The following MAGI2 variants were observed in gnomAD, a reference collection of about 807,000 sequenced individuals.
The protein encoded by MAGI2 is membrane-associated guanylate kinase, WW and PDZ domain-containing protein 2.
In MAGI2, 35 loss-of-function variants were observed where a neutral mutation model predicts 133.3. That is an observed-to-expected ratio of 0.26 (90% CI 0.20 to 0.35). The LOEUF is 0.35. MAGI2 is among the 10% of genes least tolerant of loss of function. MAGI2 has a pLI of 1.00. For missense variants in MAGI2, 1,636 were observed against 1,863.4 expected (o/e 0.88, Z 2.25); for synonymous variants, 729 against 710.6 (o/e 1.03, Z -0.41).
intron 1 of MAGI2, among the ~76,000 whole-genome samples, chr7:79,195,415 T>C (rs1345231859): frequency 6.6e-6 from 1 of 151,738 alleles, no homozygotes; most frequent in Non-Finnish European, 1.5e-5. Context: ...CCAGAAAAAA[T>C]AGAAAAAAGA....
chr7:79,112,942 T>G (rs1819049322), intron 1 of MAGI2, among the ~76,000 whole-genome samples: 1 of 152,214 alleles, frequency 6.6e-6, no homozygotes, highest in Non-Finnish European at 1.5e-5. Flanking sequence ...AACTAATATT[T>G]ATTTAGTACA....
intron 2 of MAGI2, among the ~76,000 whole-genome samples, chr7:78,766,731 T>C (rs16886321): frequency 0.094 from 14,278 of 152,242 alleles, 868 homozygotes; most frequent in East Asian, 0.23. Context: ...CTTATTGAAT[T>C]TGATGTATTC....
intron 1 of MAGI2, among the ~76,000 whole-genome samples, chr7:79,062,713 C>G (rs937682114): frequency 9.2e-5 from 14 of 152,030 alleles, no homozygotes; most frequent in Non-Finnish European, 2.1e-4. Flanking sequence ...CCATGCACCT[C>G]CATGCCAGCG....
chr7:78,172,116 A>G (rs1412362477), intron 14 of MAGI2, among the ~76,000 whole-genome samples: 1 of 152,218 alleles, frequency 6.6e-6, no homozygotes, highest in African/African-American at 2.4e-5. Flanking sequence ...ACAGCAATTC[A>G]CATTCAAGTG....
At chr7:78,190,301 G>T (rs1276892675) in intron 12 of MAGI2, among the ~76,000 whole-genome samples, 1 of 152,094 alleles carries the variant, frequency 6.6e-6, no homozygotes, top group African/African-American at 2.4e-5. Flanking sequence ...GATAAAATAT[G>T]TATAGGCAAA....
chr7:78,619,700 A>G (rs1278558585), intron 3 of MAGI2, among the ~76,000 whole-genome samples: 1 of 151,940 alleles, frequency 6.6e-6, no homozygotes, highest in Non-Finnish European at 1.5e-5. Flanking sequence ...TTCCATTCTT[A>G]GTGCCTTACA....
At chr7:78,112,556 G>A (rs975219606) in intron 20 of MAGI2, among the ~76,000 whole-genome samples, 11 of 152,244 alleles carry the variant, frequency 7.2e-5, no homozygotes, top group Non-Finnish European at 1.0e-4. Flanking sequence ...AGTTACCTGC[G>A]CAATCCCATG....
chr7:79,289,275 C>T (rs906301565), intron 1 of MAGI2, among the ~76,000 whole-genome samples: 1 of 152,110 alleles, frequency 6.6e-6, no homozygotes, highest in African/African-American at 2.4e-5. Flanking sequence ...CTCATGCTCT[C>T]ATAACTACCA....
chr7:78,675,593 G>A (rs535392299), intron 2 of MAGI2, among the ~76,000 whole-genome samples: 7 of 152,090 alleles, frequency 4.6e-5, no homozygotes, highest in South Asian at 4.2e-4. Flanking sequence ...GCTTTGCTCC[G>A]GATTCTATTT....
intron 2 of MAGI2, among the ~76,000 whole-genome samples, chr7:78,890,052 A>C (rs1234290451): frequency 1.3e-5 from 2 of 152,218 alleles, no homozygotes; most frequent in Non-Finnish European, 2.9e-5. Context: ...AGCAAATGAA[A>C]ACAAAAAAGG....
chr7:79,140,123 C>A (rs747750395), intron 1 of MAGI2, among the ~76,000 whole-genome samples: 27 of 152,150 alleles, frequency 1.8e-4, no homozygotes, highest in Middle Eastern at 3.2e-3. Flanking sequence ...TTAAATAGGT[C>A]ATTTGATTTC....
intron 1 of MAGI2, among the ~76,000 whole-genome samples, chr7:79,356,782 G>A (rs2364908): frequency 0.13 from 19,585 of 152,086 alleles, 1,378 homozygotes; most frequent in Middle Eastern, 0.19. Flanking sequence ...CCCACAGCAT[G>A]ACTGAATATA....
chr7:79,213,064 C>T (rs770990179), intron 1 of MAGI2, among the ~76,000 whole-genome samples: 7 of 151,824 alleles, frequency 4.6e-5, no homozygotes, highest in Non-Finnish European at 8.8e-5. Flanking sequence ...GTAGTGAGGG[C>T]GGGTGGATCG....
At chr7:78,840,943 C>T (rs1316393070) in intron 2 of MAGI2, among the ~76,000 whole-genome samples, 1 of 151,822 alleles carries the variant, frequency 6.6e-6, no homozygotes, top group Non-Finnish European at 1.5e-5. Context: ...CTATAAAGCA[C>T]TTAACCCATA....
intron 21 of MAGI2, among the ~76,000 whole-genome samples, chr7:78,051,867 G>A (rs528601610): frequency 1.4e-5 from 2 of 147,276 alleles, no homozygotes; most frequent in African/African-American, 5.1e-5. Flanking sequence ...TTGCAGGTGT[G>A]AGCCACCATA....
At chr7:79,249,507 G>T (rs1036812540) in intron 1 of MAGI2, among the ~76,000 whole-genome samples, 1 of 152,026 alleles carries the variant, frequency 6.6e-6, no homozygotes, top group Non-Finnish European at 1.5e-5. Flanking sequence ...ATCATTAGAA[G>T]CTACTATGAG....
chr7:78,221,643 T>C lies in MAGI2; in HGVS notation c.2048-20450A>G, dbSNP rs577941510. Among the ~76,000 whole-genome samples, 37 of 152,172 alleles carry C rather than the reference T, an allele frequency of 2.4e-4. No individual in the cohort carries two copies. In the South Asian group the frequency reaches 5.8e-3, roughly 24 times the overall value. ...CTCATATTATTTGCATATTCACATA[T>C]TCAGAAAATGTGGACAATAGAATAT... is the stretch of plus-strand genomic sequence containing the variant. On this transcript the variant is annotated intron_variant, in intron 10 of 21. Coordinates refer to ENST00000354212, the MANE Select transcript of MAGI2 (RefSeq NM_012301.4).
At chr7:78,207,398 G>A (rs2150782970) in intron 10 of MAGI2, among the ~76,000 whole-genome samples, 1 of 152,124 alleles carries the variant, frequency 6.6e-6, no homozygotes, top group East Asian at 1.9e-4. Flanking sequence ...CTCCATTTAG[G>A]GTTAATTGGA....
Position 78,261,975 on chromosome 7 carries a change from C to A in MAGI2, c.1409-5394G>T, listed in dbSNP as rs545210292. On this transcript the variant is annotated intron_variant, in intron 9 of 21. Coordinates refer to ENST00000354212, the MANE Select transcript of MAGI2 (RefSeq NM_012301.4). ...ACTGCTCTCAACACAGTTTATTCCC[C>A]AAAGTGAAACACTGTGGTATGTCAT... 1.7e-4 allele frequency among the ~76,000 whole-genome samples: 26 copies of A among 152,214 alleles called. 1 individual carries two copies. The South Asian group carries it at 5.4e-3, about 32-fold the overall frequency.
Sources: gnomAD v4.1 joint callset for allele counts (sites outside exome capture counted in the v4.1 genomes callset) on GRCh38, gnomAD v4.1.1 for gene constraint, MANE v1.5 for transcripts, NCBI Gene and HGNC (gene_info 2026-07-23, HGNC 2026-07-21) for gene names.